SRCAP: variants seen among roughly 807,000 people sequenced by gnomAD.
SRCAP encodes the protein chromatin remodeling protein SRCAP.
A neutral mutation model predicts 263.1 loss-of-function variants in SRCAP; 46 were observed. The ratio of observed to expected loss-of-function variants is 0.17; its 90% CI spans 0.14 to 0.22. The LOEUF (loss-of-function observed/expected upper bound fraction) is 0.22, where lower values mean the gene tolerates loss of function less well. Among genes scored for constraint, SRCAP ranks in the 10% least tolerant of loss-of-function variants. The pLI is 1.00. For missense variants in SRCAP, 3,695 were observed against 4,181.9 expected, an observed-to-expected ratio of 0.88 and a Z score of 3.21; for synonymous variants, 1,813 against 1,662.1, an observed-to-expected ratio of 1.09 and a Z score of -2.21.
chr16:30,721,598 T>G, intron 21 of SRCAP, 122 bp downstream of exon 21: 1 of 1,340,664 alleles, frequency 7.5e-7, no homozygotes, highest in East Asian at 2.5e-5. Context: ...TCCCGGTGCT[T>G]TGGGAGGCCA....
chr16:30,720,077 A>T, intron 18 of SRCAP, 85 bp from the exon 19 acceptor site: 1 of 1,455,796 alleles, frequency 6.9e-7, no homozygotes, highest in Non-Finnish European at 9.4e-7. Flanking sequence ...TAATTCACTT[A>T]AGGATAATGG....
intron 27 of SRCAP, 134 bp downstream of exon 27, chr16:30,729,706 C>T (rs1218976451): frequency 1.4e-5 from 14 of 990,178 alleles, no homozygotes; most frequent in Non-Finnish European, 2.1e-5. Context: ...TTAGGTTATG[C>T]TTATGGGCAA....
intron 21 of SRCAP, 117 bp downstream of exon 21, chr16:30,721,593 G>A: frequency 1.4e-6 from 2 of 1,385,300 alleles, no homozygotes; most frequent in Non-Finnish European, 1.9e-6. Context: ...TATAATCCCG[G>A]TGCTTTGGGA....
chr16:30,722,496 G>T, intron 22 of SRCAP, 67 bp from the exon 23 acceptor site: 1 of 1,578,454 alleles, frequency 6.3e-7, no homozygotes, highest in Non-Finnish European at 8.7e-7. Context: ...TTCTCTTCTT[G>T]CCTTGCCTCT....
Position 30,709,556 on chromosome 16 carries a change from A to G in SRCAP, c.677A>G (p.Lys226Arg). Residue 226 changes from lysine to arginine, a missense_variant, in exon 7 of 34, where the codon AAA (lysine) becomes AGA (arginine). By Grantham distance (26) the Lys-to-Arg change is conservative. This residue lies in a region of SRCAP where 107 missense variants were observed against 223.8 expected (regional missense o/e 0.48). Coordinates refer to ENST00000262518, the MANE Select transcript of SRCAP (RefSeq NM_006662.3). ...CAGTCCCGGCTTGAGGAAAAGCGCA[A>G]AAAAGCCCTGGACCTGCATTTGGAC... ...KQQSRLEEKR[K>R]KALDLHLDFI... is the part of the protein sequence containing the mutation. 1.9e-6 allele frequency: 3 copies of G among 1,614,170 alleles called. No homozygotes were observed. Among genetic ancestry groups the G allele is most frequent in the Non-Finnish European group, 1.7e-6 (2 of 1,180,038 alleles).
Position 30,712,599 on chromosome 16 carries a change from G to C in SRCAP, c.1994-80G>C, listed in dbSNP as rs553015203. 16 of 1,588,156 alleles carry C rather than the reference G, an allele frequency of 1.0e-5. No homozygotes were observed. In the African/African-American group the frequency reaches 1.2e-4, roughly 12 times the overall value. On this transcript the variant is annotated intron_variant, in intron 13 of 33. Coordinates refer to ENST00000262518, the MANE Select transcript of SRCAP (RefSeq NM_006662.3). ...GCTAGGATTCCTAGGAAGGGCCAAAGGGTGGCCAGGGTTATAACTGAGAAA... is the reference window on the plus strand; with the variant it reads ...GCTAGGATTCCTAGGAAGGGCCAAACGGTGGCCAGGGTTATAACTGAGAAA...
chr16:30,723,171 A>G lies in SRCAP; in HGVS notation c.4101A>G (p.Thr1367=). 2 of 1,613,830 alleles carry G rather than the reference A, an allele frequency of 1.2e-6. No homozygotes were observed. The highest frequency in any genetic ancestry group is 1.1e-5 in the South Asian group (1 of 91,054). ...TLGTARAPMP[T]PTLVRPLLKL... Reference sequence around the variant, plus strand: ...GTACTGCTCGAGCCCCCATGCCCACACCCACTCTGGTGAGGCCTCTTCTCA... The same window carrying G: ...GTACTGCTCGAGCCCCCATGCCCACGCCCACTCTGGTGAGGCCTCTTCTCA... Residue 1367 remains threonine, a synonymous_variant, in exon 24 of 34, where the codon ACA becomes ACG. Coordinates refer to ENST00000262518, the MANE Select transcript of SRCAP (RefSeq NM_006662.3).
In SRCAP at chr16:30,738,460, G is replaced by A; in HGVS notation, c.8420G>A (p.Gly2807Glu). The A allele has an allele frequency of 6.4e-7, 1 of 1,568,342 alleles. No individual in the cohort carries two copies. The highest frequency in any genetic ancestry group is 8.6e-7 in the Non-Finnish European group (1 of 1,157,472). The change falls in exon 34 of 34, where the codon GGG (glycine) becomes GAG (glutamate). Residue 2807 changes from glycine (G) to glutamate (E), a missense_variant. Transcript: ENST00000262518. ...SGPESSPPIG[G>E]PCEAAPSSSL... ...CCAGAATCCTCCCCTCCCATTGGTGGGCCCTGTGAAGCTGCTCCTTCATCC... is the reference window on the plus strand; with the variant it reads ...CCAGAATCCTCCCCTCCCATTGGTGAGCCCTGTGAAGCTGCTCCTTCATCC...
At chr16:30,720,355 G>T (rs1487188207) in intron 19 of SRCAP, 24 bp downstream of exon 19, 2 of 1,595,978 alleles carry the variant, frequency 1.3e-6, no homozygotes, top group Non-Finnish European at 1.7e-6. Context: ...GGAATGAGGG[G>T]ATGGTTCCTA....
rs547781224 is a variant in SRCAP at position 30,723,755 on chromosome 16, C to T, written c.4331C>T (p.Pro1444Leu). Residue 1444 changes from proline to leucine, a missense_variant, in exon 25 of 34, where the codon CCC (proline) becomes CTC (leucine). Coordinates refer to ENST00000262518, the MANE Select transcript of SRCAP (RefSeq NM_006662.3). ...TCATCTTCACTCCCCATCTCTGTCC[C>T]CACCACACTTCCTGCCCCAGCCTCG... The part of the protein sequence containing the change: ...PLSSSLPISV[P>L]TTLPAPASAP... 6 of 1,613,974 alleles carry T rather than the reference C, an allele frequency of 3.7e-6. No individual in the cohort carries two copies. The highest frequency in any genetic ancestry group is 2.7e-5 in the African/African-American group (2 of 74,872).
chr16:30,736,940 C>A, intron 33 of SRCAP, 109 bp from the exon 34 acceptor site: 1 of 1,268,908 alleles, frequency 7.9e-7, no homozygotes, highest in Non-Finnish European at 1.1e-6. Context: ...TCCCCAAGTG[C>A]TGGAATTACA....
chr16:30,710,145 C>T lies in SRCAP; in HGVS notation c.1134+17C>T, dbSNP rs764997342. On this transcript the variant is annotated intron_variant, in intron 8 of 33. Coordinates refer to ENST00000262518, the MANE Select transcript of SRCAP (RefSeq NM_006662.3). ...GTGTTGGAGGTATAGGCAGAAGGAG[C>T]AGAGGGAGGGTTCAGAGGGGGAACA... 3 of 1,607,694 alleles carry T rather than the reference C, an allele frequency of 1.9e-6. No individual in the cohort carries two copies. The highest frequency in any genetic ancestry group is 2.2e-5 in the South Asian group (2 of 90,690).
Position 30,729,485 on chromosome 16 carries a change from C to T in SRCAP, c.6040C>T (p.Leu2014Phe), listed in dbSNP as rs770571920. 4 of 1,614,200 alleles carry T rather than the reference C, an allele frequency of 2.5e-6. No homozygotes were observed. The South Asian group carries it at 3.3e-5, about 13-fold the overall frequency. ...AAFQEQLASE[L>F]WPRARPLHRI... ...CTTCCAGGAGCAATTGGCCTCTGAG[C>T]TCTGGCCCCGGGCTCGTCCTTTGCA... Residue 2014 changes from leucine (L) to phenylalanine (F), a missense_variant, in exon 27 of 34, where the codon CTC (leucine) becomes TTC (phenylalanine). Transcript: ENST00000262518.
At position 30,723,239 on chromosome 16, in the gene SRCAP, G is replaced by A; in HGVS notation, c.4159+10G>A. 6.3e-7 allele frequency: 1 copy of A among 1,587,892 alleles called. No individual in the cohort carries two copies. Among genetic ancestry groups the A allele is most frequent in the Non-Finnish European group, 8.6e-7 (1 of 1,163,940 alleles). ...TCACCTGAAGTCAGTGGTGAGTCCAGGTGGCTGAGGCCAGAAATCCTTGCC... is the reference window on the plus strand; with the variant it reads ...TCACCTGAAGTCAGTGGTGAGTCCAAGTGGCTGAGGCCAGAAATCCTTGCC... On this transcript the variant is annotated intron_variant, in intron 24 of 33. Coordinates refer to ENST00000262518, the MANE Select transcript of SRCAP (RefSeq NM_006662.3).
chr16:30,734,178 A>G (rs971313599), intron 30 of SRCAP, 170 bp downstream of exon 30: 52 of 667,648 alleles, frequency 7.8e-5, no homozygotes, highest in Middle Eastern at 4.2e-4. Context: ...CCCTGTCTCT[A>G]CTAAAAATAC....
intron 25 of SRCAP, chr16:30,726,359 C>T (rs2053064661): frequency 6.6e-6 from 1 of 152,154 alleles, no homozygotes; most frequent in Non-Finnish European, 1.5e-5. Context: ...CAGGTGTTCT[C>T]AGTTTCTGTT....
chr16:30,706,629 A>G (rs1159242962), intron 4 of SRCAP, among the ~76,000 whole-genome samples: 1 of 152,246 alleles, frequency 6.6e-6, no homozygotes, highest in African/African-American at 2.4e-5. Context: ...TTTTTTACAT[A>G]AACATATGCA....
rs376370021 is a variant in SRCAP, at chr16:30,710,784, C to T, written c.1165C>T (p.Arg389Cys). Reference sequence around the variant, plus strand: ...GCCCCCACCCTCTGCTGTCACACAGCGCAACAAACAGCCTTGGCATCCAGA... The same window carrying T: ...GCCCCCACCCTCTGCTGTCACACAGTGCAACAAACAGCCTTGGCATCCAGA... ...IKPPPSAVTQ[R>C]NKQPWHPDED... Residue 389 changes from arginine (R) to cysteine (C), a missense_variant, in exon 9 of 34, where the codon CGC becomes TGC. Around this residue, in one of 12 missense-constraint regions of SRCAP, gnomAD observed 288 missense variants for 302.4 expected, o/e 0.95. Coordinates refer to ENST00000262518, the MANE Select transcript of SRCAP (RefSeq NM_006662.3). 2.1e-5 allele frequency: 34 copies of T among 1,614,056 alleles called. No individual in the cohort carries two copies. The highest frequency in any genetic ancestry group is 2.5e-5 in the Non-Finnish European group (30 of 1,180,040).
In SRCAP at chr16:30,724,918, C is replaced by T. The variant is rs772086026; in HGVS notation, c.5494C>T (p.Pro1832Ser). The change falls in exon 25 of 34, where the codon CCC (proline) becomes TCC (serine). Residue 1832 changes from proline (P) to serine (S), a missense_variant. By Grantham distance (74) the Pro-to-Ser change is moderately conservative. Coordinates refer to ENST00000262518, the MANE Select transcript of SRCAP (RefSeq NM_006662.3). Reference sequence around the variant, plus strand: ...TGTGGTTTCGGCATCTGGTGCCGCTCCCTTGCCTGTCACCATGGTATCCCG... The same window carrying T: ...TGTGGTTTCGGCATCTGGTGCCGCTTCCTTGCCTGTCACCATGGTATCCCG... ...SLVVSASGAA[P>S]LPVTMVSRLP... 6.2e-6 allele frequency: 10 copies of T among 1,614,248 alleles called. No homozygotes were observed. The highest frequency in any genetic ancestry group is 1.6e-4 in the Middle Eastern group (1 of 6,062).
Sources: allele counts gnomAD v4.1 joint callset (sites outside exome capture counted in the v4.1 genomes callset), GRCh38; gene constraint gnomAD v4.1.1; regional missense constraint gnomAD v4.1.1; transcripts MANE v1.5; gene names NCBI Gene and HGNC (gene_info 2026-07-23, HGNC 2026-07-21).